The following PID1 variants were observed in gnomAD, a reference collection of about 807,000 sequenced individuals.
PID1 encodes the protein phosphotyrosine interaction domain containing 1.
In PID1, 10 loss-of-function variants were observed where a neutral mutation model predicts 19.1. The observed-to-expected ratio is 0.52, with a 90% confidence interval of 0.32 to 0.89. The LOEUF (loss-of-function observed/expected upper bound fraction) is 0.89, where lower values mean the gene tolerates loss of function less well. Ranked by LOEUF, PID1 falls within the 40% of genes least tolerant of loss-of-function variation. The probability of loss-of-function intolerance (pLI) is 0.03; values close to 1 mark genes in which losing one functional copy is unlikely to be tolerated. For missense variants in PID1, 248 were observed against 285.3 expected, an observed-to-expected ratio of 0.87 and a Z score of 0.94; for synonymous variants, 130 against 116.0, an observed-to-expected ratio of 1.12 and a Z score of -0.78.
At chr2:229,257,524 C>T (rs183208123) in intron 1 of PID1, among the ~76,000 whole-genome samples, 11 of 152,282 alleles carry the variant, frequency 7.2e-5, no homozygotes, top group Admixed American at 2.0e-4. Context: ...GATAACCACA[C>T]GTACAGGTTG....
chr2:229,192,923 C>G (rs906254599), intron 1 of PID1, among the ~76,000 whole-genome samples: 1 of 152,134 alleles, frequency 6.6e-6, no homozygotes, highest in African/African-American at 2.4e-5. Context: ...CATAAATGTC[C>G]AAGCTCCTAA....
intron 2 of PID1, among the ~76,000 whole-genome samples, chr2:229,149,657 CCTT>C (rs1176193395): frequency 2.0e-5 from 3 of 152,188 alleles, no homozygotes; most frequent in Admixed American, 6.5e-5. Context: ...ATCATTAACT[CCTT>C]CTTGGAAACT....
chr2:229,198,498 A>T (rs1217936197), intron 1 of PID1, among the ~76,000 whole-genome samples: 1 of 152,052 alleles, frequency 6.6e-6, no homozygotes, highest in Non-Finnish European at 1.5e-5. Flanking sequence ...TCCTGTATAC[A>T]CTTGCCTTCT....
chr2:229,212,451 C>T (rs1174789791), intron 1 of PID1, among the ~76,000 whole-genome samples: 1 of 152,168 alleles, frequency 6.6e-6, no homozygotes, highest in Non-Finnish European at 1.5e-5. Context: ...ATGAGAATGA[C>T]ACTAAGAAAT....
At chr2:229,026,138 G>A (rs771554106) in intron 2 of PID1, 30 bp from the exon 3 acceptor site, 40 of 1,486,190 alleles carry the variant, frequency 2.7e-5, no homozygotes, top group Non-Finnish European at 3.2e-5. Context: ...AGAAAAGGGA[G>A]GCATCAGCAG....
chr2:229,025,831 C>T lies in PID1; in HGVS notation c.455G>A (p.Arg152Lys), dbSNP rs868845353. The change falls in exon 3 of 3, where the codon AGG (arginine) becomes AAG (lysine). Residue 152 changes from arginine (R) to lysine (K), a missense_variant. By Grantham distance (26) the Arg-to-Lys change is conservative. Transcript: ENST00000392055. ...VSPNIFAWVY[R>K]EINDDLSYQM... ...GTAGGACAGGTCATCATTGATCTCC[C>T]TGTAGACCCAGGCGAAGATGTTGGG... 6.2e-7 allele frequency: 1 copy of T among 1,614,172 alleles called. No homozygotes were observed.
intron 1 of PID1, among the ~76,000 whole-genome samples, chr2:229,180,874 C>A (rs1042554182): frequency 6.6e-6 from 1 of 152,234 alleles, no homozygotes; most frequent in African/African-American, 2.4e-5. Context: ...ACGGCGCTCG[C>A]CCATCTCTCA....
At chr2:229,217,462 T>C (rs1265365914) in intron 1 of PID1, among the ~76,000 whole-genome samples, 1 of 152,168 alleles carries the variant, frequency 6.6e-6, no homozygotes, top group Admixed American at 6.5e-5. Context: ...GATTCATTAA[T>C]CTCACTTGGG....
intron 1 of PID1, among the ~76,000 whole-genome samples, chr2:229,199,048 C>G (rs1334207607): frequency 6.6e-6 from 1 of 152,056 alleles, no homozygotes; most frequent in East Asian, 1.9e-4. Flanking sequence ...CTCCTCTGTT[C>G]TGTTTCCTCA....
chr2:229,089,867 T>C (rs865787958), intron 2 of PID1, among the ~76,000 whole-genome samples: 1 of 152,138 alleles, frequency 6.6e-6, no homozygotes, highest in African/African-American at 2.4e-5. Context: ...AAGTACTCCA[T>C]AGTAGATAAA....
chr2:229,225,427 G>A (rs896127269), intron 1 of PID1, among the ~76,000 whole-genome samples: 4 of 152,064 alleles, frequency 2.6e-5, no homozygotes, highest in Non-Finnish European at 5.9e-5. Context: ...CAGACAATAG[G>A]AGACATGGGA....
At chr2:229,036,740 T>C (rs996123475) in intron 2 of PID1, among the ~76,000 whole-genome samples, 2 of 152,006 alleles carry the variant, frequency 1.3e-5, no homozygotes, top group African/African-American at 2.4e-5. Context: ...AGAGCTAGAC[T>C]CCAGCTCAAA....
intron 2 of PID1, among the ~76,000 whole-genome samples, chr2:229,147,813 A>G (rs1690166186): frequency 6.6e-6 from 1 of 152,184 alleles, no homozygotes; most frequent in East Asian, 1.9e-4. Flanking sequence ...AATATTTGTC[A>G]TTTGCCCAAA....
At chr2:229,162,699 T>A (rs1445919197) in intron 1 of PID1, among the ~76,000 whole-genome samples, 1 of 152,232 alleles carries the variant, frequency 6.6e-6, no homozygotes, top group African/African-American at 2.4e-5. Context: ...ACATTCTATT[T>A]ATAATCATGC....
chr2:229,238,927 T>C (rs1338548019), intron 1 of PID1, among the ~76,000 whole-genome samples: 1 of 152,128 alleles, frequency 6.6e-6, no homozygotes, highest in African/African-American at 2.4e-5. Flanking sequence ...CTCAAGAATA[T>C]TGTAAAGATA....
chr2:229,087,543 C>G (rs552303483), intron 2 of PID1, among the ~76,000 whole-genome samples: 3 of 152,166 alleles, frequency 2.0e-5, no homozygotes, highest in African/African-American at 7.2e-5. Flanking sequence ...AACTCAGCAG[C>G]CTTTATGTAC....
chr2:229,250,590 T>A (rs1024955078), intron 1 of PID1, among the ~76,000 whole-genome samples: 1 of 152,260 alleles, frequency 6.6e-6, no homozygotes, highest in Non-Finnish European at 1.5e-5. Context: ...GCTGGTATGA[T>A]GCTGCCAATT....
At chr2:229,245,434 C>G (rs1237266544) in intron 1 of PID1, among the ~76,000 whole-genome samples, 2 of 152,082 alleles carry the variant, frequency 1.3e-5, no homozygotes, top group African/African-American at 4.8e-5. Context: ...CTCTCATCAG[C>G]CTTTACTAAC....
chr2:229,242,457 G>A (rs1344389459), intron 1 of PID1, among the ~76,000 whole-genome samples: 2 of 151,938 alleles, frequency 1.3e-5, no homozygotes, highest in Admixed American at 6.6e-5. Context: ...TGGTAAAACT[G>A]GCTGACTCCA....
Sources: allele counts gnomAD v4.1 joint callset (sites outside exome capture counted in the v4.1 genomes callset), GRCh38; gene constraint gnomAD v4.1.1; transcripts MANE v1.5; gene names NCBI Gene and HGNC (gene_info 2026-07-23, HGNC 2026-07-21).